Variants in MAP2K6 observed in about 807,000 individuals in gnomAD.
MAP2K6 encodes the protein mitogen-activated protein kinase kinase 6, also known as dual specificity mitogen-activated protein kinase kinase 6.
In MAP2K6, 16 loss-of-function variants were observed where a neutral mutation model predicts 53.7. The ratio of observed to expected loss-of-function variants is 0.30; its 90% CI spans 0.20 to 0.45. MAP2K6 has a LOEUF of 0.45. Ranked by LOEUF, MAP2K6 falls within the 20% of genes least tolerant of loss-of-function variation. The pLI is 1.00. For synonymous variants in MAP2K6, 132 were observed against 143.1 expected (o/e 0.92, Z 0.55); for missense variants, 204 against 411.9 (o/e 0.50, Z 4.37).
chr17:69,418,865 T>C, intron 1 of MAP2K6, among the ~76,000 whole-genome samples: 1 of 117,462 alleles, frequency 8.5e-6, no homozygotes, highest in East Asian at 2.5e-4. Flanking sequence ...GAAAATAGCT[T>C]TTTATTATTG....
intron 2 of MAP2K6, 35 bp from the exon 3 acceptor site, chr17:69,516,820 C>T (rs775867732): frequency 6.7e-6 from 10 of 1,488,068 alleles, no homozygotes; most frequent in Middle Eastern, 1.7e-4. Context: ...GACTCAATAG[C>T]TTATGTTTCT....
intron 1 of MAP2K6, among the ~76,000 whole-genome samples, chr17:69,498,649 G>GA (rs1263389310): frequency 2.6e-5 from 2 of 78,110 alleles, no homozygotes; most frequent in Admixed American, 1.2e-4. Flanking sequence ...ACACCTGGAA[G>GA]CCACACACAC....
chr17:69,551,285 C>A lies in MAP2K6; in HGVS notation c.*9532C>A, dbSNP rs970514536. The A allele has an allele frequency of 6.6e-6, 1 of 152,200 alleles. No homozygotes were observed. The highest frequency in any genetic ancestry group is 2.4e-5 in the African/African-American group (1 of 41,442). 9.4% of individuals were successfully genotyped at this position (152,200 alleles called of 1,614,324 possible). On this transcript the variant is annotated 3_prime_UTR_variant, in exon 12 of 12. Coordinates refer to ENST00000590474, the MANE Select transcript of MAP2K6 (RefSeq NM_002758.4). ...TCTGAGACTCAAGCTAACAGAGCTA[C>A]CCCTTGCTGCCTTTTGCAAAGGTGT...
chr17:69,449,565 C>CTTTT (rs1202852766), intron 1 of MAP2K6, among the ~76,000 whole-genome samples: 1 of 94,344 alleles, frequency 1.1e-5, no homozygotes, highest in African/African-American at 6.0e-5. Context: ...TTCTTTATTT[C>CTTTT]TTTCTTTCTT....
chr17:69,499,154 A>C (rs1175739845), intron 1 of MAP2K6, among the ~76,000 whole-genome samples: 3 of 152,184 alleles, frequency 2.0e-5, no homozygotes, highest in African/African-American at 7.2e-5. Flanking sequence ...GCACAAAGAG[A>C]GGTAGATTCA....
chr17:69,449,531 G>GTCTTTCTTTCTTTCTT (rs1229807133), intron 1 of MAP2K6, among the ~76,000 whole-genome samples: 13 of 103,394 alleles, frequency 1.3e-4, no homozygotes, highest in African/African-American at 4.2e-4. Context: ...TTCTTTCTTT[G>GTCTTTCTTTCTTTCTT]TCTTTCTTTC....
At position 69,494,131 on chromosome 17, in the gene MAP2K6, A is replaced by G. The variant is rs1217323535; in HGVS notation, c.17-11649A>G. Among the ~76,000 whole-genome samples the G allele has an allele frequency of 6.6e-6, 1 of 152,202 alleles. No individual in the cohort carries two copies. Among genetic ancestry groups the G allele is most frequent in the African/African-American group, 2.4e-5 (1 of 41,466 alleles). ...AGAATCCAGTGGAAAAAACTACAGGACACATGGCCTGCATTTCTTCAACAA... is the reference window on the plus strand; with the variant it reads ...AGAATCCAGTGGAAAAAACTACAGGGCACATGGCCTGCATTTCTTCAACAA... On this transcript the variant is annotated intron_variant, in intron 1 of 11. Transcript: ENST00000590474. The surrounding 1 kb of genome is among the most constrained non-coding windows in gnomAD (Gnocchi z 4.2).
intron 7 of MAP2K6, chr17:69,521,814 A>AC (rs1567853127): frequency 1.4e-5 from 2 of 144,504 alleles, no homozygotes; most frequent in East Asian, 1.9e-4. Flanking sequence ...TACAAAAAAA[A>AC]AAAAAAAAAA....
intron 2 of MAP2K6, 142 bp downstream of exon 2, chr17:69,505,988 C>A: frequency 1.6e-6 from 1 of 641,690 alleles, no homozygotes; most frequent in Non-Finnish European, 2.8e-6. Context: ...TGTTCTGAGA[C>A]CTGAAATAGT....
At chr17:69,502,674 A>G in intron 1 of MAP2K6, 1 of 985,532 alleles carries the variant, frequency 1.0e-6, no homozygotes, top group South Asian at 4.7e-5. Flanking sequence ...ACTAGGAGGC[A>G]GTAAATTCAG....
intron 1 of MAP2K6, among the ~76,000 whole-genome samples, chr17:69,422,783 G>A (rs1358719836): frequency 1.3e-5 from 2 of 152,244 alleles, no homozygotes; most frequent in Non-Finnish European, 2.9e-5. Context: ...GCTGGATAGC[G>A]AGTCAGTGGC....
chr17:69,532,773 G>C (rs889913549), intron 10 of MAP2K6, among the ~76,000 whole-genome samples: 18 of 152,100 alleles, frequency 1.2e-4, no homozygotes, highest in African/African-American at 4.1e-4. Context: ...GTAGTGTTTG[G>C]GGTAGATTGT....
chr17:69,448,722 G>A (rs1017342840), intron 1 of MAP2K6, among the ~76,000 whole-genome samples: 3 of 152,140 alleles, frequency 2.0e-5, no homozygotes, highest in African/African-American at 7.2e-5. Context: ...TTGCGGGGCC[G>A]GATGTCCTCC....
intron 1 of MAP2K6, among the ~76,000 whole-genome samples, chr17:69,456,993 G>A (rs568697211): frequency 3.3e-5 from 5 of 152,200 alleles, no homozygotes; most frequent in African/African-American, 1.2e-4. Context: ...CCGTGCATAC[G>A]GAATCCTCTC....
chr17:69,449,589 CTT>C (rs1289261362), intron 1 of MAP2K6, among the ~76,000 whole-genome samples: 8 of 80,600 alleles, frequency 9.9e-5, no homozygotes, highest in Admixed American at 2.6e-4. Context: ...TTCTTTCTTT[CTT>C]TTTCTTTCTT....
chr17:69,473,811 G>C (rs935388595), intron 1 of MAP2K6, among the ~76,000 whole-genome samples: 1 of 152,130 alleles, frequency 6.6e-6, no homozygotes, highest in African/African-American at 2.4e-5. Flanking sequence ...TATTTTCAAG[G>C]TGTTATTGAT....
intron 1 of MAP2K6, among the ~76,000 whole-genome samples, chr17:69,445,033 G>A (rs1242770173): frequency 6.6e-6 from 1 of 152,172 alleles, no homozygotes; most frequent in African/African-American, 2.4e-5. Context: ...AGATTCTCCT[G>A]CCTCAGCCTC....
chr17:69,437,457 G>A (rs897654936), intron 1 of MAP2K6, among the ~76,000 whole-genome samples: 1 of 152,038 alleles, frequency 6.6e-6, no homozygotes, highest in Admixed American at 6.5e-5. Context: ...GGCAGGAGAG[G>A]CAGACACATT....
chr17:69,485,280 A>AGATGG (rs1337897624), intron 1 of MAP2K6: 1 of 153,068 alleles, frequency 6.5e-6, no homozygotes, highest in East Asian at 1.9e-4. Flanking sequence ...GTAGTTCTTG[A>AGATGG]GATGGGAACC....
Sources: allele counts gnomAD v4.1 joint callset (sites outside exome capture counted in the v4.1 genomes callset), GRCh38; gene constraint gnomAD v4.1.1; non-coding constraint Gnocchi (gnomAD v3.1); transcripts MANE v1.5; gene names NCBI Gene and HGNC (gene_info 2026-07-23, HGNC 2026-07-21).